Variants in ENPEP observed in about 807,000 individuals in gnomAD.
ENPEP encodes the protein AP-A.
ENPEP carries 103 observed loss-of-function variants against 114.5 expected under a neutral mutation model. The ratio of observed to expected loss-of-function variants is 0.90; its 90% confidence interval spans 0.77 to 1.06. The LOEUF (loss-of-function observed/expected upper bound fraction) is 1.06. ENPEP is among the 50% of genes least tolerant of loss of function. ENPEP has a pLI of 0.00. For synonymous variants in ENPEP, 420 were observed against 422.0 expected (o/e 1.00, Z 0.06); for missense variants, 1,196 against 1,161.3 (o/e 1.03, Z -0.43).
In ENPEP at chr4:110,549,646, T is replaced by C. The variant is rs1241869192; in HGVS notation, c.2330+14T>C. 1 of 1,613,248 alleles carries C rather than the reference T, an allele frequency of 6.2e-7. No individual in the cohort carries two copies. The highest frequency in any genetic ancestry group is 8.5e-7 in the Non-Finnish European group (1 of 1,179,574). On this transcript the variant is annotated intron_variant, in intron 16 of 19. Transcript: ENST00000265162. ...TGGGACTGTAAGGTGATTACTCACA[T>C]TGTTATGCTTAGAAGACACATTTGA...
In ENPEP at chr4:110,476,801, C is replaced by A. The variant is rs756083584; in HGVS notation, c.387C>A (p.Thr129=). ...TCTCCATCAACCTGAGCGCTCCCAC[C>A]CGGTACCTGTGGCTGCACCTCCGGG... ...VSISINLSAP[T]RYLWLHLRET... The change falls in exon 1 of 20, where the codon ACC becomes ACA. Residue 129 remains threonine, a synonymous_variant. Coordinates refer to ENST00000265162, the MANE Select transcript of ENPEP (RefSeq NM_001977.4). 1 of 1,614,190 alleles carries A rather than the reference C, an allele frequency of 6.2e-7. No individual in the cohort carries two copies. Among genetic ancestry groups the A allele is most frequent in the Non-Finnish European group, 8.5e-7 (1 of 1,180,024 alleles).
chr4:110,516,331 A>G (rs536474934), intron 8 of ENPEP, among the ~76,000 whole-genome samples: 5 of 152,246 alleles, frequency 3.3e-5, no homozygotes, highest in Non-Finnish European at 4.4e-5. Context: ...CCCTAAGCCA[A>G]TCGTCCCAGG....
At chr4:110,541,393 C>G (rs1726840121) in intron 11 of ENPEP, among the ~76,000 whole-genome samples, 1 of 152,130 alleles carries the variant, frequency 6.6e-6, no homozygotes, top group Admixed American at 6.6e-5. Context: ...TTTTCCCCTC[C>G]TCTGACTGTC....
chr4:110,532,986 A>C, intron 11 of ENPEP: 1 of 361,810 alleles, frequency 2.8e-6, no homozygotes, highest in South Asian at 2.1e-5. Context: ...GTGTAACAGC[A>C]CTGGTAAAAG....
chr4:110,542,136 G>A (rs1315870582), intron 11 of ENPEP, among the ~76,000 whole-genome samples: 1 of 152,098 alleles, frequency 6.6e-6, no homozygotes, highest in Non-Finnish European at 1.5e-5. Flanking sequence ...GAACAAGTGT[G>A]AAGTCGATTA....
chr4:110,538,564 A>T (rs531774941), intron 11 of ENPEP, among the ~76,000 whole-genome samples: 1 of 152,254 alleles, frequency 6.6e-6, no homozygotes, highest in African/African-American at 2.4e-5. Context: ...AGCAATACAG[A>T]TGTTTCTCTT....
rs757644340 is a variant in ENPEP, at chr4:110,561,584, T to A, written c.*26T>A. The A allele has an allele frequency of 1.3e-6, 2 of 1,599,488 alleles. No homozygotes were observed. The highest frequency in any genetic ancestry group is 1.7e-6 in the Non-Finnish European group (2 of 1,173,966). ...TGTATTCAAATGTTAGAGTTTAATT[T>A]TGTGAATCTATTGTTTCTCCTCTGA... is the stretch of plus-strand genomic sequence containing the variant. On this transcript the variant is annotated 3_prime_UTR_variant, in exon 20 of 20. Coordinates refer to ENST00000265162, the MANE Select transcript of ENPEP (RefSeq NM_001977.4).
At chr4:110,490,523 T>TAG (rs903958933) in intron 2 of ENPEP, among the ~76,000 whole-genome samples, 2 of 152,132 alleles carry the variant, frequency 1.3e-5, no homozygotes, top group African/African-American at 4.8e-5. Context: ...TGTCAAGCAA[T>TAG]AGAATCCTCC....
chr4:110,562,983 A>G lies in ENPEP; in HGVS notation c.*1425A>G, dbSNP rs142319054. 5.3e-4 allele frequency: 80 copies of G among 152,272 alleles called. 1 individual carries two copies. The East Asian group carries it at 0.014, about 28-fold the overall frequency. 9.4% of individuals were successfully genotyped at this position (152,272 alleles called of 1,614,324 possible). The stretch of plus-strand genomic sequence containing the variant: ...TTCCTGTTGCTGTTTCTTAATTATC[A>G]CTTCTCAATCCGTACAGCCAAACTA... On this transcript the variant is annotated 3_prime_UTR_variant, in exon 20 of 20. Coordinates refer to ENST00000265162, the MANE Select transcript of ENPEP (RefSeq NM_001977.4).
intron 11 of ENPEP, among the ~76,000 whole-genome samples, chr4:110,540,778 T>C (rs1726818154): frequency 6.6e-6 from 1 of 152,186 alleles, no homozygotes; most frequent in Non-Finnish European, 1.5e-5. Context: ...CCTTTCATTA[T>C]AATGGGGATA....
At chr4:110,491,877 C>T (rs1192014033) in intron 3 of ENPEP, among the ~76,000 whole-genome samples, 5 of 151,858 alleles carry the variant, frequency 3.3e-5, no homozygotes, top group South Asian at 2.1e-4. Context: ...CCCGCCACCA[C>T]GCCTGGCTAA....
chr4:110,549,428 C>T lies in ENPEP; in HGVS notation c.2225+9C>T. The T allele has an allele frequency of 6.2e-7, 1 of 1,612,884 alleles. No individual in the cohort carries two copies. The highest frequency in any genetic ancestry group is 8.5e-7 in the Non-Finnish European group (1 of 1,179,196). On this transcript the variant is annotated intron_variant, in intron 15 of 19. Coordinates refer to ENST00000265162, the MANE Select transcript of ENPEP (RefSeq NM_001977.4). ...GGAGACCATGTCACAAAGTTATTCT[C>T]ACTTTTTAACAACTAAAATTCATTT...
At chr4:110,552,397 C>T (rs1197045970) in intron 17 of ENPEP, among the ~76,000 whole-genome samples, 1 of 152,118 alleles carries the variant, frequency 6.6e-6, no homozygotes, top group East Asian at 1.9e-4. Flanking sequence ...TTAATAAAAG[C>T]ATACATAATT....
intron 1 of ENPEP, among the ~76,000 whole-genome samples, chr4:110,483,090 A>G (rs573457825): frequency 2.6e-4 from 40 of 152,304 alleles, no homozygotes; most frequent in Non-Finnish European, 4.9e-4. Context: ...TTTATTTTGG[A>G]AGCAAGAAAA....
At chr4:110,499,825 G>A (rs761189355) in intron 3 of ENPEP, among the ~76,000 whole-genome samples, 3 of 152,212 alleles carry the variant, frequency 2.0e-5, no homozygotes, top group East Asian at 1.9e-4. Context: ...ACCAGTGAAC[G>A]GATTGGGGTA....
At chr4:110,547,116 C>T (rs1727099525) in intron 13 of ENPEP, among the ~76,000 whole-genome samples, 3 of 151,988 alleles carry the variant, frequency 2.0e-5, no homozygotes, top group African/African-American at 4.8e-5. Flanking sequence ...TGTAAGAGTC[C>T]CCCAACCTTC....
chr4:110,498,069 T>A (rs949959504), intron 3 of ENPEP, among the ~76,000 whole-genome samples: 3 of 152,222 alleles, frequency 2.0e-5, no homozygotes, highest in African/African-American at 7.2e-5. Flanking sequence ...ATGAAACAGT[T>A]TCTTCAAACT....
rs751335958 is a variant in ENPEP, at chr4:110,563,899, AGG to A, written c.*2342_*2343del. 6.6e-6 allele frequency: 1 copy of A among 152,324 alleles called. No homozygotes were observed. Among genetic ancestry groups the A allele is most frequent in the East Asian group, 1.9e-4 (1 of 5,186 alleles). The allele number at this position is 152,324 out of a possible 1,614,324, so 9.4% of individuals were successfully genotyped here. On this transcript the variant is annotated 3_prime_UTR_variant, in exon 20 of 20. Transcript: ENST00000265162. ...GGGGTGAGATGTATACCTGGGTTGA[AGG>A]TAATGATACTCCTACAGCTTACCCT...
chr4:110,548,257 A>G lies in ENPEP; in HGVS notation c.2082A>G (p.Arg694=). The part of the protein sequence containing the change: ...KREENFLPWQ[R]VISAVTYIIS... The stretch of plus-strand genomic sequence containing the variant: ...AAGAGAATTTTTTACCATGGCAGAG[A>G]GTAATTTCAGCTGTAACCTACATCA... The change falls in exon 14 of 20, where the codon AGA becomes AGG. Residue 694 remains arginine, a synonymous_variant. Transcript: ENST00000265162. The G allele has an allele frequency of 6.2e-7, 1 of 1,602,818 alleles. No homozygotes were observed. The highest frequency in any genetic ancestry group is 8.5e-7 in the Non-Finnish European group (1 of 1,175,386).
Sources: gnomAD v4.1 joint callset for allele counts (sites outside exome capture counted in the v4.1 genomes callset) on GRCh38, gnomAD v4.1.1 for gene constraint, MANE v1.5 for transcripts, NCBI Gene and HGNC (gene_info 2026-07-23, HGNC 2026-07-21) for gene names.